Variants in MYO1E observed in about 807,000 individuals in gnomAD.
The protein encoded by MYO1E is unconventional myosin-Ie.
A neutral mutation model predicts 151.1 loss-of-function variants in MYO1E; 68 were observed. The observed-to-expected ratio is 0.45, with a 90% CI of 0.37 to 0.55. MYO1E has a LOEUF of 0.55. Among genes scored for constraint, MYO1E ranks in the 20% least tolerant of loss-of-function variants. The pLI is 0.00. For missense variants in MYO1E, 1,363 were observed against 1,389.3 expected (o/e 0.98, Z 0.30); for synonymous variants, 601 against 501.7 (o/e 1.20, Z -2.64).
intron 10 of MYO1E, among the ~76,000 whole-genome samples, chr15:59,216,681 T>A (rs1167559297): frequency 1.1e-4 from 3 of 27,384 alleles, no homozygotes; most frequent in Non-Finnish European, 1.4e-4. Flanking sequence ...TATATATATA[T>A]ATATACACAT....
At chr15:59,363,470 C>T (rs2080897017) in intron 1 of MYO1E, among the ~76,000 whole-genome samples, 1 of 152,166 alleles carries the variant, frequency 6.6e-6, no homozygotes, top group African/African-American at 2.4e-5. Context: ...ATCAGCCTTA[C>T]CTTCCCTCAG....
chr15:59,258,328 G>C (rs1424080420), intron 3 of MYO1E, among the ~76,000 whole-genome samples: 3 of 152,236 alleles, frequency 2.0e-5, no homozygotes, highest in Non-Finnish European at 4.4e-5. Flanking sequence ...GTCTGGTGAA[G>C]AGCGAGACTC....
chr15:59,254,334 T>TG (rs2080182109), intron 4 of MYO1E, among the ~76,000 whole-genome samples: 1 of 152,182 alleles, frequency 6.6e-6, no homozygotes, highest in South Asian at 2.1e-4. Flanking sequence ...GCTACAGGTG[T>TG]GCACCACCAC....
chr15:59,265,402 G>A (rs1467053190), intron 2 of MYO1E, among the ~76,000 whole-genome samples: 1 of 152,016 alleles, frequency 6.6e-6, no homozygotes, highest in African/African-American at 2.4e-5. Flanking sequence ...TTTAAAAACT[G>A]TTAATTTGCT....
At chr15:59,155,254 G>A (rs61055592) in intron 25 of MYO1E, among the ~76,000 whole-genome samples, 8,853 of 152,306 alleles carry the variant, frequency 0.058, 392 homozygotes, top group African/African-American at 0.12. Flanking sequence ...ATTTAGAAAC[G>A]TTCATGGCAG....
At chr15:59,305,930 A>G (rs185662273) in intron 1 of MYO1E, among the ~76,000 whole-genome samples, 1 of 152,310 alleles carries the variant, frequency 6.6e-6, no homozygotes, top group Admixed American at 6.5e-5. Flanking sequence ...TACCCTAAGG[A>G]TGGCAGAGCA....
At chr15:59,325,438 T>C (rs947085417) in intron 1 of MYO1E, among the ~76,000 whole-genome samples, 19 of 152,194 alleles carry the variant, frequency 1.2e-4, no homozygotes, top group African/African-American at 4.3e-4. Context: ...TCGTGCACAA[T>C]GAGTCCCAGT....
intron 1 of MYO1E, among the ~76,000 whole-genome samples, chr15:59,286,138 G>A (rs1189743564): frequency 6.6e-6 from 1 of 152,196 alleles, no homozygotes; most frequent in African/African-American, 2.4e-5. Flanking sequence ...GCTATTCTGA[G>A]AAAAAGAACA....
chr15:59,371,270 G>C (rs1359241271), intron 1 of MYO1E, among the ~76,000 whole-genome samples: 12 of 151,994 alleles, frequency 7.9e-5, no homozygotes, highest in Non-Finnish European at 1.8e-4. Context: ...GCTGCTCACC[G>C]GGATATCGAT....
intron 26 of MYO1E, among the ~76,000 whole-genome samples, chr15:59,143,367 G>A (rs922652547): frequency 5.3e-5 from 8 of 151,640 alleles, no homozygotes; most frequent in African/African-American, 1.7e-4. Flanking sequence ...GGGTGGAGGA[G>A]GGAGGACCTC....
chr15:59,226,232 G>T (rs541465430), intron 7 of MYO1E, among the ~76,000 whole-genome samples: 26 of 152,138 alleles, frequency 1.7e-4, no homozygotes, highest in Non-Finnish European at 3.5e-4. Flanking sequence ...TCAACCAACA[G>T]GTACAAACTA....
intron 1 of MYO1E, among the ~76,000 whole-genome samples, chr15:59,332,324 C>T (rs1217305565): frequency 6.6e-6 from 1 of 152,152 alleles, no homozygotes; most frequent in African/African-American, 2.4e-5. Context: ...AGAATGCTGC[C>T]GATTTAACGG....
intron 1 of MYO1E, among the ~76,000 whole-genome samples, chr15:59,292,903 G>T (rs1389354147): frequency 3.9e-5 from 6 of 152,122 alleles, no homozygotes; most frequent in African/African-American, 1.4e-4. Context: ...AGTCTCAGGG[G>T]GATCTATCCC....
chr15:59,180,073 G>A (rs1458104787), intron 18 of MYO1E, among the ~76,000 whole-genome samples: 2 of 152,210 alleles, frequency 1.3e-5, no homozygotes, highest in African/African-American at 4.8e-5. Context: ...GATTTTAGGA[G>A]CCTTCTCTGC....
intron 11 of MYO1E, 55 bp downstream of exon 11, chr15:59,214,585 G>T: frequency 7.1e-7 from 1 of 1,404,746 alleles, no homozygotes; most frequent in Non-Finnish European, 1.0e-6. Context: ...ATTTCTTGCA[G>T]GCCAGATGAA....
chr15:59,170,709 T>G (rs576198741), intron 22 of MYO1E, among the ~76,000 whole-genome samples: 2 of 152,324 alleles, frequency 1.3e-5, no homozygotes, highest in East Asian at 3.9e-4. Context: ...TTTTAAATAC[T>G]TCACTGCACT....
chr15:59,247,681 G>C (rs897137310), intron 4 of MYO1E, among the ~76,000 whole-genome samples: 1 of 152,054 alleles, frequency 6.6e-6, no homozygotes, highest in Non-Finnish European at 1.5e-5. Context: ...AGTGAGCTGG[G>C]GGAGCTTGAA....
chr15:59,291,544 G>A (rs2080418589), intron 1 of MYO1E, among the ~76,000 whole-genome samples: 1 of 151,648 alleles, frequency 6.6e-6, no homozygotes, highest in Non-Finnish European at 1.5e-5. Context: ...AGCAAAAAGA[G>A]AACAAAGGTG....
intron 1 of MYO1E, among the ~76,000 whole-genome samples, chr15:59,324,221 T>C (rs1417279253): frequency 6.6e-6 from 1 of 152,220 alleles, no homozygotes; most frequent in Non-Finnish European, 1.5e-5. Flanking sequence ...CAATTAATTC[T>C]ATTCTGCAGT....
Sources: gnomAD v4.1 joint callset for allele counts (sites outside exome capture counted in the v4.1 genomes callset) on GRCh38, gnomAD v4.1.1 for gene constraint, MANE v1.5 for transcripts, NCBI Gene and HGNC (gene_info 2026-07-23, HGNC 2026-07-21) for gene names.